NFIB: variants seen among roughly 807,000 people sequenced by gnomAD.
The protein encoded by NFIB is nuclear factor 1 B-type.
NFIB carries 11 observed loss-of-function variants against 61.5 expected under a neutral mutation model. That is an observed-to-expected ratio of 0.18 (90% CI 0.11 to 0.30). NFIB has a LOEUF of 0.30. NFIB is among the 10% of genes least tolerant of loss of function. The pLI is 1.00. For synonymous variants in NFIB, 260 were observed against 216.5 expected (o/e 1.20, Z -1.76); for missense variants, 471 against 608.9 (o/e 0.77, Z 2.38).
At chr9:14,311,025 A>G (rs865954531) in intron 1 of NFIB, among the ~76,000 whole-genome samples, 1 of 152,152 alleles carries the variant, frequency 6.6e-6, no homozygotes, top group Non-Finnish European at 1.5e-5. Context: ...ATGCCAATTG[A>G]AAGTTATATT....
At chr9:14,204,373 A>G (rs2049391869) in intron 2 of NFIB, 1 of 1,001,786 alleles carries the variant, frequency 1.0e-6, no homozygotes, top group Admixed American at 1.8e-5. Flanking sequence ...TTGGCATTAG[A>G]CAGGACATCC....
intron 1 of NFIB, among the ~76,000 whole-genome samples, chr9:14,393,145 C>T (rs1177342979): frequency 3.3e-5 from 5 of 151,944 alleles, no homozygotes; most frequent in Admixed American, 6.6e-5. Context: ...GTGTAGAGCT[C>T]GGTAATGTTC....
intron 10 of NFIB, among the ~76,000 whole-genome samples, chr9:14,096,896 C>G (rs907392282): frequency 6.6e-6 from 1 of 152,140 alleles, no homozygotes; most frequent in African/African-American, 2.4e-5. Flanking sequence ...GCATGCAAGT[C>G]TGGCTGGAAT....
chr9:14,427,958 T>TTTTTTTG, the NFIB span, among the ~76,000 whole-genome samples: 2 of 126,674 alleles, frequency 1.6e-5, no homozygotes, highest in Non-Finnish European at 3.3e-5. Context: ...TTTTTTTTTT[T>TTTTTTTG]TTTTTTGGCA....
chr9:14,399,277 G>C (rs1441023974), upstream of NFIB, among the ~76,000 whole-genome samples: 1 of 152,150 alleles, frequency 6.6e-6, no homozygotes, highest in Non-Finnish European at 1.5e-5. Context: ...TCCATTGAAA[G>C]CACTGGTCTA....
rs2058923421 is a variant in NFIB at position 14,289,143 on chromosome 9, T to TATATATATAC, written c.562+17845_562+17846insGTATATATAT. Among the ~76,000 whole-genome samples the TATATATATAC allele has an allele frequency of 2.7e-5, 4 of 145,892 alleles. No homozygotes were observed. The East Asian group carries it at 6.1e-4, about 22-fold the overall frequency. On this transcript the variant is annotated intron_variant, in intron 2 of 10. Transcript: ENST00000380953. The stretch of plus-strand genomic sequence containing the variant: ...ATATGTATATATATATATATATACA[T>TATATATATAC]ATATATATATTTGGTATGCCAAATA...
chr9:14,240,001 G>A (rs964041428), intron 2 of NFIB, among the ~76,000 whole-genome samples: 14 of 151,918 alleles, frequency 9.2e-5, no homozygotes, highest in African/African-American at 3.4e-4. Context: ...GAGGAATATG[G>A]TTTCCACTTA....
At chr9:14,147,584 T>G (rs570743473) in intron 5 of NFIB, among the ~76,000 whole-genome samples, 1 of 150,828 alleles carries the variant, frequency 6.6e-6, no homozygotes, top group South Asian at 2.1e-4. Flanking sequence ...ATTCTTAAAA[T>G]CGACTGTGAA....
At chr9:14,479,954 A>G in the NFIB span, among the ~76,000 whole-genome samples, 2 of 152,140 alleles carry the variant, frequency 1.3e-5, no homozygotes, top group African/African-American at 4.8e-5. Context: ...GTTGGAAAAA[A>G]AGAAAGAAGA....
At position 14,279,085 on chromosome 9, in the gene NFIB, G is replaced by T. The variant is rs894792192; in HGVS notation, c.562+27904C>A. Among the ~76,000 whole-genome samples, 7 of 152,224 alleles carry T rather than the reference G, an allele frequency of 4.6e-5. No homozygotes were observed. The East Asian group carries it at 1.4e-3, about 29-fold the overall frequency. Reference sequence around the variant, plus strand: ...ACACAGAGAGAGAGACGGACACAGAGAGAGTGTGCCTACAATTCACAAAGC... The same window carrying T: ...ACACAGAGAGAGAGACGGACACAGATAGAGTGTGCCTACAATTCACAAAGC... On this transcript the variant is annotated intron_variant, in intron 2 of 10. Coordinates refer to ENST00000380953, the MANE Select transcript of NFIB (RefSeq NM_001190737.2).
At chr9:14,219,704 C>T (rs935191979) in intron 2 of NFIB, among the ~76,000 whole-genome samples, 2 of 152,100 alleles carry the variant, frequency 1.3e-5, no homozygotes, top group Non-Finnish European at 2.9e-5. Context: ...TACAAACACT[C>T]CAGAGCAAAA....
At chr9:14,117,179 G>A (rs909264676) in intron 8 of NFIB, among the ~76,000 whole-genome samples, 3 of 152,152 alleles carry the variant, frequency 2.0e-5, no homozygotes, top group Non-Finnish European at 4.4e-5. Flanking sequence ...ATCCATGGTG[G>A]TGCATGGAGA....
At chr9:14,204,449 G>C in intron 2 of NFIB, 1 of 1,080,282 alleles carries the variant, frequency 9.3e-7, no homozygotes, top group East Asian at 2.4e-5. Context: ...GCGGCAGAGA[G>C]TCATCCTCTA....
intron 2 of NFIB, among the ~76,000 whole-genome samples, chr9:14,222,565 G>A (rs1277273928): frequency 2.6e-5 from 4 of 152,080 alleles, no homozygotes; most frequent in South Asian, 2.1e-4. Flanking sequence ...CACTTTGGGA[G>A]GCCAAAATGG....
the NFIB span, among the ~76,000 whole-genome samples, chr9:14,502,032 T>C: frequency 4.6e-5 from 7 of 152,194 alleles, no homozygotes; most frequent in Non-Finnish European, 7.3e-5. Flanking sequence ...TGATATTAGA[T>C]ATTAGAACAT....
At chr9:14,251,364 C>G (rs1199040795) in intron 2 of NFIB, among the ~76,000 whole-genome samples, 1 of 152,192 alleles carries the variant, frequency 6.6e-6, no homozygotes, top group Non-Finnish European at 1.5e-5. Flanking sequence ...GCCCATCATT[C>G]TTTTAGACAG....
chr9:14,175,163 A>ATTTT (rs375736787), intron 3 of NFIB, among the ~76,000 whole-genome samples: 55,533 of 99,414 alleles, frequency 0.56, 17,765 homozygotes, highest in South Asian at 0.73. Flanking sequence ...GACTTAAAGA[A>ATTTT]TTTCTTTTTT....
the NFIB span, among the ~76,000 whole-genome samples, chr9:14,487,638 C>T: frequency 6.6e-6 from 1 of 152,208 alleles, no homozygotes; most frequent in East Asian, 1.9e-4. Context: ...GAGTCCCTTG[C>T]TCAAATCCAT....
chr9:14,399,005 G>A (rs1004835463), upstream of NFIB: 94 of 228,094 alleles, frequency 4.1e-4, 1 homozygote, highest in Non-Finnish European at 5.7e-4. Context: ...AGCTACAGAT[G>A]ACTACTGAGT....
Sources: gnomAD v4.1 joint callset for allele counts (sites outside exome capture counted in the v4.1 genomes callset) on GRCh38, gnomAD v4.1.1 for gene constraint, MANE v1.5 for transcripts, NCBI Gene and HGNC (gene_info 2026-07-23, HGNC 2026-07-21) for gene names.